Variants in ZCCHC7 observed in about 807,000 individuals in gnomAD.
ZCCHC7 encodes the protein zinc finger CCHC domain-containing protein 7.
Under a neutral mutation model 52.0 loss-of-function variants are expected in ZCCHC7, and 35 were observed. That is an observed-to-expected ratio of 0.67 (90% CI 0.51 to 0.89). The LOEUF (loss-of-function observed/expected upper bound fraction) is 0.89. ZCCHC7 is among the 40% of genes least tolerant of loss of function. The pLI is 0.00. For synonymous variants in ZCCHC7, 217 were observed against 221.5 expected, an observed-to-expected ratio of 0.98 and a Z score of 0.18; for missense variants, 574 against 649.1, an observed-to-expected ratio of 0.88 and a Z score of 1.26.
intron 2 of ZCCHC7, among the ~76,000 whole-genome samples, chr9:37,153,653 G>A (rs1291124580): frequency 6.6e-6 from 1 of 151,338 alleles, no homozygotes; most frequent in African/African-American, 2.4e-5. Context: ...ATCAGATAGT[G>A]GAGCAATAAT....
intron 2 of ZCCHC7, among the ~76,000 whole-genome samples, chr9:37,190,041 A>G (rs769710557): frequency 1.3e-5 from 2 of 152,174 alleles, no homozygotes; most frequent in Non-Finnish European, 2.9e-5. Flanking sequence ...ACTTCCAGCT[A>G]CAGAGCTGGA....
chr9:37,130,235 CAAAAAA>C (rs33929421), intron 2 of ZCCHC7, among the ~76,000 whole-genome samples: 1 of 104,288 alleles, frequency 9.6e-6, no homozygotes. Context: ...GAGACTGTCT[CAAAAAA>C]AAAAAAAAAA....
chr9:37,128,610 AAT>A (rs1307164911), intron 2 of ZCCHC7, among the ~76,000 whole-genome samples: 1 of 152,218 alleles, frequency 6.6e-6, no homozygotes, highest in East Asian at 1.9e-4. Context: ...ATATGTGAGA[AAT>A]AGTGTTTATA....
At chr9:37,144,697 T>G (rs1843360246) in intron 2 of ZCCHC7, among the ~76,000 whole-genome samples, 1 of 151,964 alleles carries the variant, frequency 6.6e-6, no homozygotes, top group African/African-American at 2.4e-5. Context: ...TCTATGACAT[T>G]CTATCATCCA....
chr9:37,176,160 G>T (rs1018533568), intron 2 of ZCCHC7, among the ~76,000 whole-genome samples: 2 of 152,040 alleles, frequency 1.3e-5, no homozygotes, highest in African/African-American at 4.8e-5. Context: ...TGCAAGTGCC[G>T]CCTCCTGGGT....
chr9:37,324,159 G>A (rs1830153118), intron 5 of ZCCHC7, among the ~76,000 whole-genome samples: 1 of 152,284 alleles, frequency 6.6e-6, no homozygotes, highest in South Asian at 2.1e-4. Flanking sequence ...AGTGACTTGA[G>A]GGGGCCATCT....
chr9:37,335,889 T>C (rs1298402377), intron 6 of ZCCHC7, among the ~76,000 whole-genome samples: 1 of 152,298 alleles, frequency 6.6e-6, no homozygotes, highest in South Asian at 2.1e-4. Context: ...AAAATACATA[T>C]TAATAAATGT....
chr9:37,160,738 T>A (rs1199855758), intron 2 of ZCCHC7, among the ~76,000 whole-genome samples: 1 of 151,898 alleles, frequency 6.6e-6, no homozygotes, highest in Non-Finnish European at 1.5e-5. Context: ...ATACAAAAAT[T>A]AGCCGGGTGT....
chr9:37,339,678 G>A (rs1830832997), intron 6 of ZCCHC7, among the ~76,000 whole-genome samples: 1 of 152,078 alleles, frequency 6.6e-6, no homozygotes, highest in Non-Finnish European at 1.5e-5. Context: ...TTTACCTCAG[G>A]TATTTAATAT....
intron 5 of ZCCHC7, among the ~76,000 whole-genome samples, chr9:37,326,567 C>A (rs917344452): frequency 6.6e-6 from 1 of 151,442 alleles, no homozygotes; most frequent in Non-Finnish European, 1.5e-5. Context: ...TAAAATTTTT[C>A]AGCATAGATA....
intron 6 of ZCCHC7, among the ~76,000 whole-genome samples, chr9:37,338,383 G>A (rs1056848995): frequency 6.6e-6 from 1 of 151,920 alleles, no homozygotes; most frequent in Non-Finnish European, 1.5e-5. Flanking sequence ...TGTAGTTTTC[G>A]ATTTACTGAA....
At chr9:37,178,578 AC>A (rs570603475) in intron 2 of ZCCHC7, among the ~76,000 whole-genome samples, 164 of 152,208 alleles carry the variant, frequency 1.1e-3, no homozygotes, top group Non-Finnish European at 1.7e-3. Context: ...TGAGGATAAA[AC>A]TCTTATAGTT....
At position 37,264,156 on chromosome 9, in the gene ZCCHC7, C is replaced by T. The variant is rs1050494783; in HGVS notation, c.611-38032C>T. Among the ~76,000 whole-genome samples, 11 of 152,294 alleles carry T rather than the reference C, an allele frequency of 7.2e-5. 1 individual carries two copies. Among genetic ancestry groups the T allele is most frequent in the African/African-American group, 2.6e-4 (11 of 41,550 alleles). ...TGTCATTTACTAGTTGTGTGACAGA[C>T]TTGCCCACTTCTCCTTTATAATGTG... On this transcript the variant is annotated intron_variant, in intron 2 of 8. Coordinates refer to ENST00000336755, the MANE Select transcript of ZCCHC7 (RefSeq NM_032226.3).
At chr9:37,210,828 A>G (rs2133211714) in intron 2 of ZCCHC7, among the ~76,000 whole-genome samples, 1 of 152,246 alleles carries the variant, frequency 6.6e-6, no homozygotes, top group East Asian at 1.9e-4. Flanking sequence ...TCTCTTTTGC[A>G]TATTTTGGTT....
chr9:37,230,354 A>G (rs918542796), intron 2 of ZCCHC7, among the ~76,000 whole-genome samples: 1 of 152,184 alleles, frequency 6.6e-6, no homozygotes, highest in African/African-American at 2.4e-5. Flanking sequence ...AAAACATAAC[A>G]GTGACTACAC....
chr9:37,340,485 A>G (rs984745618), intron 6 of ZCCHC7, among the ~76,000 whole-genome samples: 2 of 151,992 alleles, frequency 1.3e-5, no homozygotes, highest in African/African-American at 2.4e-5. Context: ...AAGTCTTTAG[A>G]TGAAATTTTG....
In ZCCHC7 at chr9:37,126,866, A is replaced by G. The variant is rs1290037703; in HGVS notation, c.534A>G (p.Leu178=). 6.2e-7 allele frequency: 1 copy of G among 1,614,186 alleles called. No individual in the cohort carries two copies. Among genetic ancestry groups the G allele is most frequent in the Middle Eastern group, 1.6e-4 (1 of 6,062 alleles). Residue 178 remains leucine (L), a synonymous_variant, in exon 2 of 9, where the codon CTA becomes CTG. Coordinates refer to ENST00000336755, the MANE Select transcript of ZCCHC7 (RefSeq NM_032226.3). The part of the protein sequence containing the change: ...SEGDNVESWM[L]LGCEVDDKDD... ...GTGATAATGTGGAAAGCTGGATGCT[A>G]CTGGGATGTGAAGTAGATGATAAAG...
rs148618186 is a variant in ZCCHC7 at position 37,297,296 on chromosome 9, A to G, written c.611-4892A>G. On this transcript the variant is annotated intron_variant, in intron 2 of 8. Coordinates refer to ENST00000336755, the MANE Select transcript of ZCCHC7 (RefSeq NM_032226.3). Reference sequence around the variant, plus strand: ...ATTAGATAGCACATATTATTCTACTATATGGTAAATTCTTTGAGGGCAAGC... The same window carrying G: ...ATTAGATAGCACATATTATTCTACTGTATGGTAAATTCTTTGAGGGCAAGC... 4.2e-3 allele frequency among the ~76,000 whole-genome samples: 642 copies of G among 152,300 alleles called. 5 individuals are homozygous for G. Among genetic ancestry groups the G allele is most frequent in the African/African-American group, 0.015 (605 of 41,570 alleles).
chr9:37,200,216 C>CT (rs1183559392), intron 2 of ZCCHC7, among the ~76,000 whole-genome samples: 5 of 151,890 alleles, frequency 3.3e-5, no homozygotes, highest in African/African-American at 4.8e-5. Flanking sequence ...TGTTCACTTC[C>CT]TTTTTTTATT....
Sources: allele counts gnomAD v4.1 joint callset (sites outside exome capture counted in the v4.1 genomes callset), GRCh38; gene constraint gnomAD v4.1.1; transcripts MANE v1.5; gene names NCBI Gene and HGNC (gene_info 2026-07-23, HGNC 2026-07-21).